Variants in COL24A1 observed in about 807,000 individuals in gnomAD.
COL24A1 encodes the protein collagen alpha-1(XXIV) chain.
COL24A1 carries 224 observed loss-of-function variants against 253.9 expected under a neutral mutation model. The ratio of observed to expected loss-of-function variants is 0.88; its 90% confidence interval spans 0.79 to 0.99. The LOEUF is 0.99. Among genes scored for constraint, COL24A1 ranks in the 50% least tolerant of loss-of-function variants. The probability of loss-of-function intolerance (pLI) is 0.00; values close to 1 mark genes in which losing one functional copy is unlikely to be tolerated. For synonymous variants in COL24A1, 685 were observed against 673.7 expected, an observed-to-expected ratio of 1.02 and a Z score of -0.26; for missense variants, 2,131 against 2,068.5, an observed-to-expected ratio of 1.03 and a Z score of -0.59.
chr1:86,096,349 T>C (rs1189745408), intron 5 of COL24A1, among the ~76,000 whole-genome samples: 2 of 152,126 alleles, frequency 1.3e-5, no homozygotes, highest in Non-Finnish European at 2.9e-5. Flanking sequence ...AAACACTAAA[T>C]GACATGACCT....
At chr1:86,012,659 T>G (rs962518284) in intron 19 of COL24A1, among the ~76,000 whole-genome samples, 4 of 152,022 alleles carry the variant, frequency 2.6e-5, no homozygotes, top group Non-Finnish European at 5.9e-5. Flanking sequence ...CACAGTCTTA[T>G]GTTCACACAG....
chr1:85,776,566 C>T (rs1208504060), intron 52 of COL24A1, among the ~76,000 whole-genome samples: 3 of 151,890 alleles, frequency 2.0e-5, no homozygotes, highest in Non-Finnish European at 4.4e-5. Context: ...GAATGCTCTT[C>T]CATGTCAATA....
At chr1:85,775,735 T>C in intron 52 of COL24A1, 26 bp from the exon 53 acceptor site, 1 of 1,576,302 alleles carries the variant, frequency 6.3e-7, no homozygotes, top group Non-Finnish European at 8.7e-7. Context: ...AAGATGTTAG[T>C]TCATTGTTAT....
intron 1 of COL24A1, among the ~76,000 whole-genome samples, chr1:86,152,436 T>A (rs1652901310): frequency 6.6e-6 from 1 of 152,242 alleles, no homozygotes; most frequent in East Asian, 1.9e-4. Context: ...GTATAAGGTA[T>A]ATATGATACA....
rs538640354 is a variant in COL24A1 at position 85,823,582 on chromosome 1, G to T, written c.3743C>A (p.Pro1248Gln). ...ATGQQGPPGE[P>Q]GDQGEQGLKG... ...TAGTCCTTGTTCACCCTGGTCACCTGGTTCGCCCTTTAGTAGAAACCAAAA... is the reference window on the plus strand; with the variant it reads ...TAGTCCTTGTTCACCCTGGTCACCTTGTTCGCCCTTTAGTAGAAACCAAAA... Residue 1248 changes from proline to glutamine, a missense_variant, in exon 45 of 60, where the codon CCA (proline) becomes CAA (glutamine). By Grantham distance (76) the Pro-to-Gln change is moderately conservative (BLOSUM62 -1). Coordinates refer to ENST00000370571, the MANE Select transcript of COL24A1 (RefSeq NM_152890.7). The T allele has an allele frequency of 6.8e-6, 11 of 1,613,928 alleles. No homozygotes were observed. The South Asian group carries it at 1.1e-4, about 16-fold the overall frequency.
intron 52 of COL24A1, 90 bp from the exon 53 acceptor site, chr1:85,775,799 T>C: frequency 1.8e-6 from 2 of 1,141,466 alleles, no homozygotes; most frequent in Admixed American, 2.3e-5. Context: ...AACATGACAA[T>C]TTATATTTTT....
intron 18 of COL24A1, among the ~76,000 whole-genome samples, 186 bp from the exon 19 acceptor site, chr1:86,017,390 T>C (rs1257877153): frequency 6.6e-6 from 1 of 152,224 alleles, no homozygotes; most frequent in Non-Finnish European, 1.5e-5. Context: ...AAGATGTTTA[T>C]GGGTTTAATA....
chr1:85,743,099 C>G (rs1664831862), intron 57 of COL24A1, among the ~76,000 whole-genome samples: 1 of 152,046 alleles, frequency 6.6e-6, no homozygotes, highest in Admixed American at 6.6e-5. Flanking sequence ...AAAATCTGAG[C>G]CAAATTATGT....
At chr1:85,976,301 A>C (rs2100813950) in intron 20 of COL24A1, among the ~76,000 whole-genome samples, 1 of 152,292 alleles carries the variant, frequency 6.6e-6, no homozygotes, top group East Asian at 1.9e-4. Context: ...CAGTGCTGTT[A>C]GTAGGGCACA....
rs772218531 is a variant in COL24A1, at chr1:86,150,110, T to C, written c.57-3927A>G. 1.0e-3 allele frequency among the ~76,000 whole-genome samples: 154 copies of C among 152,314 alleles called. 1 individual carries two copies. The highest frequency in any genetic ancestry group is 1.5e-3 in the East Asian group (8 of 5,184). On this transcript the variant is annotated intron_variant, in intron 1 of 59. Transcript: ENST00000370571. ...CCATCCACTGGAAAGACCTTGTATA[T>C]GTCTGAAATGCCCTACCAGTCTCCA...
At chr1:85,969,192 C>A (rs552492344) in intron 22 of COL24A1, among the ~76,000 whole-genome samples, 8 of 151,900 alleles carry the variant, frequency 5.3e-5, no homozygotes, top group Non-Finnish European at 1.5e-5. Context: ...ATAATTCTCA[C>A]GAAAAATAAA....
chr1:85,991,490 T>G (rs1694267444), intron 19 of COL24A1, among the ~76,000 whole-genome samples: 2 of 152,226 alleles, frequency 1.3e-5, no homozygotes, highest in South Asian at 4.1e-4. Context: ...TGGCTTCTGG[T>G]GGTAACTGTC....
rs183160221 is a variant in COL24A1, at chr1:86,083,196, G to A, written c.1707+5978C>T. Among the ~76,000 whole-genome samples the A allele has an allele frequency of 7.5e-3, 1,141 of 152,000 alleles. 17 individuals are homozygous for A. Among genetic ancestry groups the A allele is most frequent in the African/African-American group, 0.026 (1,085 of 41,456 alleles). On this transcript the variant is annotated intron_variant, in intron 7 of 59. Transcript: ENST00000370571. ...GCCTGTAGTCCCAGCTACTCGGGAG[G>A]CTGAGGCAGGAAAATGGCGTGAACT...
At chr1:85,734,541 C>A (rs1663847424) in intron 59 of COL24A1, among the ~76,000 whole-genome samples, 1 of 151,986 alleles carries the variant, frequency 6.6e-6, no homozygotes, top group African/African-American at 2.4e-5. Context: ...AAATCTAAGA[C>A]CAATTGGTAT....
intron 43 of COL24A1, among the ~76,000 whole-genome samples, chr1:85,831,560 G>A (rs535904153): frequency 6.6e-6 from 1 of 152,144 alleles, no homozygotes; most frequent in South Asian, 2.1e-4. Context: ...AAAATTAAAT[G>A]TGCCATAGAA....
intron 2 of COL24A1, among the ~76,000 whole-genome samples, chr1:86,137,509 C>A (rs1217830499): frequency 6.6e-6 from 1 of 152,126 alleles, no homozygotes; most frequent in East Asian, 1.9e-4. Context: ...GCATGCAGGT[C>A]ATCTAAGGCC....
At chr1:85,888,673 A>G (rs1682784514) in intron 32 of COL24A1, among the ~76,000 whole-genome samples, 1 of 152,110 alleles carries the variant, frequency 6.6e-6, no homozygotes, top group Non-Finnish European at 1.5e-5. Context: ...CATATCTAAG[A>G]TTCTTTATTT....
rs370588081 is a variant in COL24A1, at chr1:85,775,749, T to A, written c.4339-40A>T. On this transcript the variant is annotated intron_variant, in intron 52 of 59. Coordinates refer to ENST00000370571, the MANE Select transcript of COL24A1 (RefSeq NM_152890.7). ...AAAGATGTTAGTTCATTGTTATTGA[T>A]AGTTACGTATTAAATGTAGCTGAGG... is the stretch of plus-strand genomic sequence containing the variant. 6.5e-6 allele frequency: 10 copies of A among 1,527,882 alleles called. No homozygotes were observed. The African/African-American group carries it at 1.3e-4, about 19-fold the overall frequency. 94.6% of individuals were successfully genotyped at this position (1,527,882 alleles called of 1,614,324 possible). A position where few individuals can be genotyped will look rare whatever the true frequency, so the allele number is the denominator to read the frequency against.
chr1:85,829,768 C>T (rs2102080058), intron 43 of COL24A1, among the ~76,000 whole-genome samples: 1 of 152,136 alleles, frequency 6.6e-6, no homozygotes, highest in South Asian at 2.1e-4. Context: ...TGGTTTTCAG[C>T]TCCATCAGCT....
Sources: allele counts gnomAD v4.1 joint callset (sites outside exome capture counted in the v4.1 genomes callset), GRCh38; gene constraint gnomAD v4.1.1; transcripts MANE v1.5; gene names NCBI Gene and HGNC (gene_info 2026-07-23, HGNC 2026-07-21).